The following MET variants were observed in gnomAD, a reference collection of about 807,000 sequenced individuals.
MET encodes hepatocyte growth factor receptor.
MET carries 48 observed loss-of-function variants against 133.1 expected under a neutral mutation model. The observed-to-expected ratio is 0.36, with a 90% confidence interval of 0.29 to 0.46. The LOEUF is 0.46. MET is among the 20% of genes least tolerant of loss of function. The probability of loss-of-function intolerance (pLI) is 1.00; values close to 1 mark genes in which losing one functional copy is unlikely to be tolerated. For missense variants in MET, 1,442 were observed against 1,695.9 expected, an observed-to-expected ratio of 0.85 and a Z score of 2.63; for synonymous variants, 628 against 616.5, an observed-to-expected ratio of 1.02 and a Z score of -0.28.
chr7:116,765,509 G>A (rs776730375), intron 11 of MET, among the ~76,000 whole-genome samples: 2 of 151,980 alleles, frequency 1.3e-5, no homozygotes, highest in Non-Finnish European at 2.9e-5. Flanking sequence ...TACACCATGG[G>A]CAAAAGGGCG....
rs1047270424 is a variant in MET at position 116,768,954 on chromosome 7, C to T, written c.2584-691C>T. 7.2e-5 allele frequency among the ~76,000 whole-genome samples: 11 copies of T among 152,198 alleles called. No homozygotes were observed. The South Asian group carries it at 1.2e-3, about 17-fold the overall frequency. On this transcript the variant is annotated intron_variant, in intron 11 of 20. Coordinates refer to ENST00000397752, the MANE Select transcript of MET (RefSeq NM_000245.4). ...TAATTTTTAAAAAATTTTTGTGTAA[C>T]TATGTAATTGTTCAAAATAATGGAA...
intron 12 of MET, among the ~76,000 whole-genome samples, 191 bp from the exon 13 acceptor site, chr7:116,771,292 CCACATAAGTACTTAA>C (rs1794819902): frequency 6.6e-6 from 1 of 152,146 alleles, no homozygotes; most frequent in South Asian, 2.1e-4. Context: ...CAGCTAAGTA[CCACATAAGTACTTAA>C]GGGATCAGTG....
chr7:116,765,645 T>C (rs1183803972), intron 11 of MET, among the ~76,000 whole-genome samples: 2 of 152,168 alleles, frequency 1.3e-5, no homozygotes, highest in African/African-American at 2.4e-5. Flanking sequence ...AGAGCAGTCG[T>C]AGACAGTGGT....
intron 3 of MET, among the ~76,000 whole-genome samples, chr7:116,733,127 G>T (rs975076982): frequency 1.3e-5 from 2 of 151,690 alleles, no homozygotes; most frequent in South Asian, 2.1e-4. Flanking sequence ...GGGAAGCCCC[G>T]CCCCTCCCAC....
chr7:116,725,349 T>G (rs1792702887), intron 2 of MET, among the ~76,000 whole-genome samples: 2 of 152,094 alleles, frequency 1.3e-5, no homozygotes, highest in African/African-American at 2.4e-5. Flanking sequence ...ATGAGAATGT[T>G]TCAAAACTGT....
intron 10 of MET, 61 bp downstream of exon 10, chr7:116,759,551 C>T (rs1316168915): frequency 3.9e-6 from 6 of 1,553,782 alleles, no homozygotes; most frequent in Non-Finnish European, 5.3e-6. Flanking sequence ...AACCATGTGG[C>T]TTTCATGGTA....
chr7:116,794,770 G>A (rs1795619141), intron 19 of MET, among the ~76,000 whole-genome samples: 2 of 152,222 alleles, frequency 1.3e-5, no homozygotes. Context: ...TGTCCACAGG[G>A]GCGGCCTCTG....
intron 3 of MET, among the ~76,000 whole-genome samples, chr7:116,738,864 A>G (rs1018481785): frequency 6.6e-6 from 1 of 152,236 alleles, no homozygotes; most frequent in Non-Finnish European, 1.5e-5. Flanking sequence ...CATTATACGA[A>G]TGAGAAAGCT....
At chr7:116,690,356 A>G (rs756198003) in intron 1 of MET, among the ~76,000 whole-genome samples, 42 of 152,244 alleles carry the variant, frequency 2.8e-4, no homozygotes, top group East Asian at 5.8e-4. Flanking sequence ...GAAAAAGGCC[A>G]TATTCACATC....
intron 2 of MET, among the ~76,000 whole-genome samples, chr7:116,714,421 T>C (rs191422903): frequency 1.7e-4 from 26 of 152,340 alleles, no homozygotes; most frequent in Non-Finnish European, 2.9e-5. Flanking sequence ...CCAGCTTCCA[T>C]TAAGAACTGG....
intron 5 of MET, among the ~76,000 whole-genome samples, chr7:116,753,853 G>A (rs1320995226): frequency 6.6e-6 from 1 of 152,166 alleles, no homozygotes; most frequent in Non-Finnish European, 1.5e-5. Context: ...TAATAAATGT[G>A]AACTAATAGG....
At chr7:116,676,178 T>C (rs1796152927) in intron 1 of MET, among the ~76,000 whole-genome samples, 1 of 152,254 alleles carries the variant, frequency 6.6e-6, no homozygotes, top group Admixed American at 6.5e-5. Context: ...TGCATAAATG[T>C]GTGCAAGTAT....
intron 9 of MET, 132 bp from the exon 10 acceptor site, chr7:116,759,259 A>C: frequency 7.3e-7 from 1 of 1,362,444 alleles, no homozygotes; most frequent in South Asian, 1.4e-5. Context: ...ACAGTTACCC[A>C]TGAACTTCCA....
chr7:116,702,749 G>A (rs879335257), intron 2 of MET, among the ~76,000 whole-genome samples: 9 of 152,278 alleles, frequency 5.9e-5, no homozygotes, highest in Middle Eastern at 3.4e-3. Flanking sequence ...AAGCTGAGCT[G>A]CAGCAGTAAC....
chr7:116,691,167 AT>A, intron 1 of MET, among the ~76,000 whole-genome samples: 1 of 152,246 alleles, frequency 6.6e-6, no homozygotes, highest in East Asian at 1.9e-4. Context: ...ATGTTGAAAT[AT>A]TTTCCAGTTT....
chr7:116,731,247 A>G (rs1792991658), intron 2 of MET, among the ~76,000 whole-genome samples: 1 of 152,230 alleles, frequency 6.6e-6, no homozygotes, highest in African/African-American at 2.4e-5. Flanking sequence ...ACAAGAATGC[A>G]CAAAGGCACA....
In MET at chr7:116,796,006, T is replaced by C. The variant is rs2117112186; in HGVS notation, c.4055T>C (p.Val1352Ala). ...STFIGEHYVH[V>A]NATYVNVKCV... ...TTCATTGGGGAGCACTATGTCCATG[T>C]GAACGCTACTTATGTGAACGTAAAA... is the stretch of plus-strand genomic sequence containing the variant. The change falls in exon 21 of 21, where the codon GTG (valine) becomes GCG (alanine). Residue 1352 changes from valine (V) to alanine (A), a missense_variant. By Grantham distance (64) the Val-to-Ala change is moderately conservative. Transcript: ENST00000397752. 1 of 1,614,028 alleles carries C rather than the reference T, an allele frequency of 6.2e-7. No individual in the cohort carries two copies. The highest frequency in any genetic ancestry group is 8.5e-7 in the Non-Finnish European group (1 of 1,179,886).
intron 3 of MET, among the ~76,000 whole-genome samples, chr7:116,734,232 T>C (rs202097954): frequency 5.8e-4 from 88 of 151,834 alleles, no homozygotes; most frequent in Middle Eastern, 3.4e-3. Flanking sequence ...ACATTTTTTT[T>C]CCCCCCAAAG....
Position 116,771,924 on chromosome 7 carries a change from G to A in MET, c.2963G>A (p.Ser988Asn), listed in dbSNP as rs1794848550. The change falls in exon 14 of 21, where the codon AGT (serine) becomes AAT (asparagine). Residue 988 changes from serine (S) to asparagine (N), a missense_variant. Coordinates refer to ENST00000397752, the MANE Select transcript of MET (RefSeq NM_000245.4). ...TTGGATAGGCTTGTAAGTGCCCGAA[G>A]TGTAAGCCCAACTACAGAAATGGTT... ...PHLDRLVSAR[S>N]VSPTTEMVSN... 6.2e-7 allele frequency: 1 copy of A among 1,613,922 alleles called. No individual in the cohort carries two copies. The highest frequency in any genetic ancestry group is 1.1e-5 in the South Asian group (1 of 91,070).
Sources: allele counts gnomAD v4.1 joint callset (sites outside exome capture counted in the v4.1 genomes callset), GRCh38; gene constraint gnomAD v4.1.1; transcripts MANE v1.5; gene names NCBI Gene and HGNC (gene_info 2026-07-23, HGNC 2026-07-21).